CHIC2: variants seen among roughly 807,000 people sequenced by gnomAD.
CHIC2 encodes the protein cysteine rich hydrophobic domain 2.
Under a neutral mutation model 25.9 loss-of-function variants are expected in CHIC2, and 14 were observed. That is an observed-to-expected ratio of 0.54 (90% CI 0.36 to 0.85). CHIC2 has a LOEUF of 0.85. CHIC2 is among the 40% of genes least tolerant of loss of function. CHIC2 has a pLI of 0.01. For missense variants in CHIC2, 146 were observed against 202.0 expected (o/e 0.72, Z 1.68); for synonymous variants, 70 against 72.0 (o/e 0.97, Z 0.14).
chr4:54,073,989 T>C, the CHIC2 span, among the ~76,000 whole-genome samples: 1 of 152,072 alleles, frequency 6.6e-6, no homozygotes, highest in African/African-American at 2.4e-5. Context: ...ACCCTGTCTC[T>C]ACTAAAAAAA....
intron 3 of CHIC2, among the ~76,000 whole-genome samples, chr4:54,044,566 G>C (rs1179751069): frequency 6.6e-6 from 1 of 152,078 alleles, no homozygotes; most frequent in Non-Finnish European, 1.5e-5. Flanking sequence ...ATAATGAAAT[G>C]AAGGCAGAAA....
intron 3 of CHIC2, among the ~76,000 whole-genome samples, chr4:54,032,421 AC>A (rs765500151): frequency 6.1e-4 from 93 of 151,768 alleles, no homozygotes; most frequent in Non-Finnish European, 9.3e-4. Context: ...GCGCGCCGCC[AC>A]GCCTGACTGG....
chr4:54,029,323 C>A (rs1381694527), intron 3 of CHIC2, among the ~76,000 whole-genome samples: 1 of 152,094 alleles, frequency 6.6e-6, no homozygotes, highest in Non-Finnish European at 1.5e-5. Flanking sequence ...TAAACATCCT[C>A]TGCACAAGAA....
intron 3 of CHIC2, among the ~76,000 whole-genome samples, chr4:54,026,667 C>G (rs1716066649): frequency 6.6e-6 from 1 of 152,148 alleles, no homozygotes; most frequent in Non-Finnish European, 1.5e-5. Context: ...AATCTTTATA[C>G]ACCTCCTCCT....
chr4:54,036,409 G>A (rs1056782578), intron 3 of CHIC2, among the ~76,000 whole-genome samples: 1 of 152,154 alleles, frequency 6.6e-6, no homozygotes, highest in Admixed American at 6.5e-5. Flanking sequence ...GGAGTACTCA[G>A]GGAGCTTATA....
intron 3 of CHIC2, among the ~76,000 whole-genome samples, chr4:54,022,193 G>A (rs972709078): frequency 2.0e-5 from 3 of 152,070 alleles, no homozygotes; most frequent in African/African-American, 4.8e-5. Context: ...CAACTCGCCC[G>A]GCAGCCACTC....
intron 1 of CHIC2, among the ~76,000 whole-genome samples, chr4:54,062,969 AGT>A (rs1205256381): frequency 1.3e-5 from 2 of 152,228 alleles, no homozygotes; most frequent in Non-Finnish European, 2.9e-5. Context: ...GCAATTATGC[AGT>A]GTTTTTACCC....
At chr4:54,064,640 G>T, upstream of CHIC2, 1 of 1,073,322 alleles carries the variant, frequency 9.3e-7, no homozygotes, top group South Asian at 3.9e-5. This position sits in a 1 kb window ranked among gnomAD's most constrained non-coding sequence, Gnocchi z 4.2. Flanking sequence ...AGCGGGAGCA[G>T]CCGGCTACGG....
At position 54,030,109 on chromosome 4, in the gene CHIC2, ATACTT is replaced by A. The variant is rs368511100; in HGVS notation, c.331-15995_331-15991del. Among the ~76,000 whole-genome samples the A allele has an allele frequency of 5.6e-3, 853 of 152,344 alleles. 10 individuals carry two copies. Among genetic ancestry groups the A allele is most frequent in the African/African-American group, 0.019 (792 of 41,572 alleles). The stretch of plus-strand genomic sequence containing the variant: ...TACCATTTATTTGTATGCATACAAA[ATACTT>A]TACATGAGAGAAATACAGGCATCTT... On this transcript the variant is annotated intron_variant, in intron 3 of 5. Transcript: ENST00000263921.
At chr4:54,056,714 A>C (rs1227461124) in intron 1 of CHIC2, among the ~76,000 whole-genome samples, 1 of 152,210 alleles carries the variant, frequency 6.6e-6, no homozygotes, top group Non-Finnish European at 1.5e-5. Context: ...AGAGAAAAAA[A>C]GCTTAAGAAC....
chr4:54,045,148 C>G (rs1435700737), intron 3 of CHIC2, among the ~76,000 whole-genome samples: 1 of 152,094 alleles, frequency 6.6e-6, no homozygotes, highest in Non-Finnish European at 1.5e-5. Context: ...GAAATTGAGG[C>G]AATAATTAGT....
rs182252495 is a variant in CHIC2, at chr4:54,009,924, A to C, written c.*171T>G. ...TGAAATAACTGTTGCAAAGATTGACAAAAATGCACACTTAGAACATGCGGT... is the reference window on the plus strand; with the variant it reads ...TGAAATAACTGTTGCAAAGATTGACCAAAATGCACACTTAGAACATGCGGT... On this transcript the variant is annotated 3_prime_UTR_variant, in exon 6 of 6. Coordinates refer to ENST00000263921, the MANE Select transcript of CHIC2 (RefSeq NM_012110.4). 727 of 452,604 alleles carry C rather than the reference A, an allele frequency of 1.6e-3. 6 individuals carry two copies. The highest frequency in any genetic ancestry group is 1.0e-3 in the East Asian group (31 of 29,710). The allele number at this position is 452,604 out of a possible 1,614,324, so 28.0% of individuals were successfully genotyped here.
At chr4:54,070,076 ATG>A in the CHIC2 span, among the ~76,000 whole-genome samples, 1 of 152,244 alleles carries the variant, frequency 6.6e-6, no homozygotes, top group Non-Finnish European at 1.5e-5. Context: ...GGAAAATGAC[ATG>A]TAAGCTGATG....
rs1717431987 is a variant in CHIC2 at position 54,064,222 on chromosome 4, G to A, written c.79C>T (p.Pro27Ser). 1.9e-6 allele frequency: 3 copies of A among 1,607,748 alleles called. No individual in the cohort carries two copies. Among genetic ancestry groups the A allele is most frequent in the African/African-American group, 1.3e-5 (1 of 74,786 alleles). ...ALEEQLLKYS[P>S]DPVVVRGSGH... ...GAGCCGCGGACGACCACCGGGTCCG[G>A]CGAGTACTTGAGCAGCTGCTCCTCC... Residue 27 changes from proline (P) to serine (S), a missense_variant, in exon 1 of 6, where the codon CCG becomes TCG. Coordinates refer to ENST00000263921, the MANE Select transcript of CHIC2 (RefSeq NM_012110.4). This position sits in a 1 kb window ranked among gnomAD's most constrained non-coding sequence, Gnocchi z 4.2.
At chr4:54,040,703 C>CAAAA (rs71200354) in intron 3 of CHIC2, among the ~76,000 whole-genome samples, 3 of 59,312 alleles carry the variant, frequency 5.1e-5, no homozygotes, top group Non-Finnish European at 6.0e-5. Flanking sequence ...AACTCTGTCT[C>CAAAA]AAAAAAAAAA....
At chr4:54,070,399 T>C in the CHIC2 span, among the ~76,000 whole-genome samples, 24 of 87,808 alleles carry the variant, frequency 2.7e-4, no homozygotes, top group African/African-American at 6.9e-4. Flanking sequence ...TTTATTTATT[T>C]ATTTATTTAT....
chr4:54,032,273 C>T (rs1176748498), intron 3 of CHIC2, among the ~76,000 whole-genome samples: 1 of 137,212 alleles, frequency 7.3e-6, no homozygotes, highest in Non-Finnish European at 1.6e-5. Context: ...CTCCCCCTCC[C>T]CCTCCCCCTC....
the CHIC2 span, among the ~76,000 whole-genome samples, chr4:54,088,126 C>T: frequency 2.6e-5 from 4 of 152,126 alleles, no homozygotes; most frequent in African/African-American, 7.2e-5. Context: ...TGACAAAATG[C>T]CCTGACTCCT....
At chr4:54,049,389 T>C (rs1174621220) in intron 1 of CHIC2, 84 bp from the exon 2 acceptor site, 8 of 810,184 alleles carry the variant, frequency 9.9e-6, no homozygotes, top group East Asian at 5.6e-5. Context: ...GTCAAGTCAA[T>C]AGAAAGCATT....
Sources: gnomAD v4.1 joint callset for allele counts (sites outside exome capture counted in the v4.1 genomes callset) on GRCh38, gnomAD v4.1.1 for gene constraint, Gnocchi (gnomAD v3.1) non-coding constraint, MANE v1.5 for transcripts, NCBI Gene and HGNC (gene_info 2026-07-23, HGNC 2026-07-21) for gene names.